Variants in VRK2 observed in about 807,000 individuals in gnomAD.
VRK2 encodes serine/threonine-protein kinase VRK2.
VRK2 carries 60 observed loss-of-function variants against 57.6 expected under a neutral mutation model. The observed-to-expected ratio is 1.04, with a 90% CI of 0.85 to 1.29. The LOEUF (loss-of-function observed/expected upper bound fraction) is 1.29. Among genes scored for constraint, VRK2 ranks in the 50% most tolerant of loss-of-function variants. The pLI, the probability that VRK2 is intolerant of heterozygous loss-of-function variation, is 0.00. For synonymous variants in VRK2, 231 were observed against 199.2 expected (o/e 1.16, Z -1.35); for missense variants, 705 against 588.1 (o/e 1.20, Z -2.06).
intron 1 of VRK2, among the ~76,000 whole-genome samples, chr2:57,953,233 C>T (rs1671482060): frequency 6.6e-6 from 1 of 152,166 alleles, no homozygotes; most frequent in Non-Finnish European, 1.5e-5. Context: ...ATCACTTTTG[C>T]TCTTATCTGA....
At chr2:57,966,984 G>A (rs1010001023) in intron 1 of VRK2, among the ~76,000 whole-genome samples, 3 of 152,010 alleles carry the variant, frequency 2.0e-5, no homozygotes, top group East Asian at 1.9e-4. Flanking sequence ...AGAAACGTTC[G>A]GTTTGAGAGG....
At chr2:57,915,971 C>G (rs561446519) in intron 1 of VRK2, among the ~76,000 whole-genome samples, 1 of 152,082 alleles carries the variant, frequency 6.6e-6, no homozygotes, top group Non-Finnish European at 1.5e-5. Flanking sequence ...ACAGTTTCAT[C>G]CCAAAACCAC....
At chr2:58,018,223 C>T (rs1031426417) in intron 1 of VRK2, 5 of 152,160 alleles carry the variant, frequency 3.3e-5, no homozygotes, top group African/African-American at 7.2e-5. Context: ...GAACTCTTGA[C>T]CTCAGGTGAT....
At chr2:58,095,836 TG>T (rs1673057806) in intron 7 of VRK2, among the ~76,000 whole-genome samples, 1 of 152,146 alleles carries the variant, frequency 6.6e-6, no homozygotes, top group African/African-American at 2.4e-5. Flanking sequence ...TTAATCTTAT[TG>T]GAAATGCCTG....
At chr2:58,127,742 G>T (rs1056796185) in intron 8 of VRK2, among the ~76,000 whole-genome samples, 1 of 151,982 alleles carries the variant, frequency 6.6e-6, no homozygotes, top group Admixed American at 6.6e-5. Flanking sequence ...TTAATATTTT[G>T]GGCATTTGAA....
chr2:58,016,081 T>A (rs953324333), intron 1 of VRK2, among the ~76,000 whole-genome samples: 1 of 152,192 alleles, frequency 6.6e-6, no homozygotes, highest in African/African-American at 2.4e-5. Context: ...TGAGTTACAC[T>A]GCCTGGATCT....
At chr2:57,991,371 A>G (rs1233700785) in intron 1 of VRK2, among the ~76,000 whole-genome samples, 1 of 98,194 alleles carries the variant, frequency 1.0e-5, no homozygotes, top group Non-Finnish European at 1.9e-5. Flanking sequence ...TATATTTTAG[A>G]AAAAAAAAAA....
rs181921693 is a variant in VRK2 at position 57,927,109 on chromosome 2, A to G, written c.-439+19270A>G. ...CCATTATTTTAAATGGATGACAACT[A>G]AAGATTAATTGCATAAACAAACAAG... On this transcript the variant is annotated intron_variant, in intron 1 of 15. Coordinates refer to the VRK2 transcript ENST00000417641. Among the ~76,000 whole-genome samples the G allele has an allele frequency of 2.2e-3, 341 of 151,736 alleles. 1 individual carries two copies. Among genetic ancestry groups the G allele is most frequent in the Non-Finnish European group, 3.9e-3 (263 of 67,940 alleles).
chr2:57,909,961 A>G lies in VRK2; in HGVS notation c.-439+2122A>G, dbSNP rs142726707. ...GATCCTATAAGCCATAATAACAGGT[A>G]TTTTAGGAATAAGAAGAAAAATGTT... On this transcript the variant is annotated intron_variant, in intron 1 of 15. Transcript: ENST00000417641. 9.2e-3 allele frequency among the ~76,000 whole-genome samples: 1,405 copies of G among 152,322 alleles called. 19 individuals carry two copies. Among genetic ancestry groups the G allele is most frequent in the South Asian group, 0.019 (92 of 4,826 alleles).
intron 1 of VRK2, among the ~76,000 whole-genome samples, chr2:58,022,251 T>A (rs532914432): frequency 4.1e-4 from 62 of 152,312 alleles, no homozygotes; most frequent in Non-Finnish European, 1.2e-4. Flanking sequence ...CTTTGGTTGT[T>A]ATAAGTCCCT....
intron 12 of VRK2, 113 bp downstream of exon 12, chr2:58,146,587 TAAATG>T (rs1167133537): frequency 2.0e-5 from 25 of 1,253,236 alleles, no homozygotes; most frequent in Non-Finnish European, 2.7e-5. Context: ...ATGGTTTTGT[TAAATG>T]AGAAGGGACA....
At chr2:57,972,971 C>T (rs1477125222) in intron 1 of VRK2, among the ~76,000 whole-genome samples, 1 of 151,780 alleles carries the variant, frequency 6.6e-6, no homozygotes, top group East Asian at 1.9e-4. Flanking sequence ...ATAAATGGTT[C>T]TCTAGTGAGT....
chr2:58,158,544 T>TAA (rs143112594), intron 12 of VRK2, among the ~76,000 whole-genome samples: 10,518 of 151,964 alleles, frequency 0.069, 439 homozygotes, highest in Middle Eastern at 0.11. Flanking sequence ...TGAACAAGCT[T>TAA]AAAGTATTTT....
chr2:57,916,457 G>A (rs1328606598), intron 1 of VRK2, among the ~76,000 whole-genome samples: 2 of 150,894 alleles, frequency 1.3e-5, no homozygotes, highest in African/African-American at 4.9e-5. Flanking sequence ...GTCAACTATG[G>A]TTCAACTATA....
At chr2:57,915,063 CA>C (rs2103891590) in intron 1 of VRK2, among the ~76,000 whole-genome samples, 1 of 152,078 alleles carries the variant, frequency 6.6e-6, no homozygotes, top group South Asian at 2.1e-4. Flanking sequence ...ATGAAATGTA[CA>C]TAATATATAT....
chr2:58,056,630 A>G (rs1410001166), intron 2 of VRK2, among the ~76,000 whole-genome samples: 1 of 152,050 alleles, frequency 6.6e-6, no homozygotes, highest in Non-Finnish European at 1.5e-5. Context: ...ACTTCCTCTC[A>G]TCTTCCCATT....
chr2:57,988,696 C>T (rs1672672844), intron 1 of VRK2, among the ~76,000 whole-genome samples: 1 of 152,158 alleles, frequency 6.6e-6, no homozygotes, highest in Non-Finnish European at 1.5e-5. Flanking sequence ...AGACCGATAC[C>T]ACCTCCACCT....
chr2:57,933,070 T>C (rs1670782936), intron 1 of VRK2, among the ~76,000 whole-genome samples: 1 of 152,140 alleles, frequency 6.6e-6, no homozygotes, highest in Non-Finnish European at 1.5e-5. Context: ...AAACTTTATA[T>C]GACTTATTTT....
At chr2:57,992,849 T>C (rs1368763981) in intron 1 of VRK2, among the ~76,000 whole-genome samples, 1 of 152,220 alleles carries the variant, frequency 6.6e-6, no homozygotes, top group Admixed American at 6.5e-5. Context: ...GTTGTTTCTT[T>C]ATGATCACTA....
Sources: gnomAD v4.1 joint callset for allele counts (sites outside exome capture counted in the v4.1 genomes callset) on GRCh38, gnomAD v4.1.1 for gene constraint, MANE v1.5 for transcripts, NCBI Gene and HGNC (gene_info 2026-07-23, HGNC 2026-07-21) for gene names.